Variants in EPB41L4B observed in about 807,000 individuals in gnomAD.
EPB41L4B encodes band 4.1-like protein 4B.
EPB41L4B carries 30 observed loss-of-function variants against 112.5 expected under a neutral mutation model. That is an observed-to-expected ratio of 0.27 (90% confidence interval 0.20 to 0.36). The LOEUF (loss-of-function observed/expected upper bound fraction) is 0.36. Ranked by LOEUF, EPB41L4B falls within the 10% of genes least tolerant of loss-of-function variation. The pLI, the probability that EPB41L4B is intolerant of heterozygous loss-of-function variation, is 1.00. For synonymous variants in EPB41L4B, 408 were observed against 439.7 expected, an observed-to-expected ratio of 0.93 and a Z score of 0.90; for missense variants, 1,024 against 1,133.3, an observed-to-expected ratio of 0.90 and a Z score of 1.38.
At chr9:109,203,511 TA>T in intron 19 of EPB41L4B, 151 bp downstream of exon 19, 1 of 629,108 alleles carries the variant, frequency 1.6e-6, no homozygotes, top group East Asian at 2.9e-5. Context: ...GAAAGTTAGT[TA>T]AGCCAGTCTT....
chr9:109,221,783 A>T (rs1173439456), intron 15 of EPB41L4B, among the ~76,000 whole-genome samples: 2 of 152,182 alleles, frequency 1.3e-5, no homozygotes, highest in Non-Finnish European at 2.9e-5. Context: ...AAAGGGAAAG[A>T]TGTCTTGTAG....
intron 1 of EPB41L4B, among the ~76,000 whole-genome samples, chr9:109,317,472 T>C (rs990116493): frequency 1.3e-5 from 2 of 152,212 alleles, no homozygotes; most frequent in African/African-American, 2.4e-5. Context: ...GCTTGGCACA[T>C]TGGAGACGCC....
intron 1 of EPB41L4B, among the ~76,000 whole-genome samples, chr9:109,304,866 G>A (rs938809641): frequency 1.3e-5 from 2 of 152,120 alleles, no homozygotes; most frequent in Admixed American, 6.5e-5. Flanking sequence ...ACAGATTAGC[G>A]GCTGTCGGGG....
At chr9:109,200,383 G>A (rs770437169) in intron 19 of EPB41L4B, 49 bp from the exon 20 acceptor site, 4 of 1,483,022 alleles carry the variant, frequency 2.7e-6, no homozygotes, top group Non-Finnish European at 3.8e-6. Context: ...AAGGTTTATG[G>A]TCTCGTTTTA....
At chr9:109,231,448 A>G (rs1465712887) in intron 15 of EPB41L4B, among the ~76,000 whole-genome samples, 2 of 152,254 alleles carry the variant, frequency 1.3e-5, no homozygotes, top group African/African-American at 4.8e-5. Flanking sequence ...GTTTTAGTGC[A>G]TTTAAATTTT....
chr9:109,203,562 C>T, intron 19 of EPB41L4B, 101 bp downstream of exon 19: 1 of 967,388 alleles, frequency 1.0e-6, no homozygotes, highest in Non-Finnish European at 1.6e-6. Flanking sequence ...TTTTATTTGT[C>T]CTCTGATTTT....
At chr9:109,174,670 T>G in intron 25 of EPB41L4B, 47 bp from the exon 26 acceptor site, 1 of 1,557,192 alleles carries the variant, frequency 6.4e-7, no homozygotes, top group South Asian at 1.1e-5. Flanking sequence ...CCTCAAAAAT[T>G]GCAGAAGCAG....
At chr9:109,192,500 G>A (rs555218300) in intron 21 of EPB41L4B, 145 bp from the exon 22 acceptor site, 12 of 531,738 alleles carry the variant, frequency 2.3e-5, no homozygotes, top group African/African-American at 3.9e-5. Context: ...CCCTCACCAA[G>A]TAGTGTACAA....
At chr9:109,261,006 G>T (rs181229203) in intron 6 of EPB41L4B, among the ~76,000 whole-genome samples, 154 of 152,282 alleles carry the variant, frequency 1.0e-3, no homozygotes, top group Non-Finnish European at 1.7e-3. Flanking sequence ...CGTCTCTTTT[G>T]TCTCATTCGT....
intron 22 of EPB41L4B, among the ~76,000 whole-genome samples, chr9:109,191,471 G>C (rs1176699415): frequency 6.6e-6 from 1 of 152,106 alleles, no homozygotes; most frequent in African/African-American, 2.4e-5. Flanking sequence ...CTTGGGGAGA[G>C]AGAATGAGCT....
intron 1 of EPB41L4B, among the ~76,000 whole-genome samples, chr9:109,308,097 C>G (rs1350180347): frequency 6.6e-6 from 1 of 152,108 alleles, no homozygotes; most frequent in Non-Finnish European, 1.5e-5. Flanking sequence ...CGGCCCAATT[C>G]CCTTCTCATT....
chr9:109,174,429 A>G lies in EPB41L4B; in HGVS notation c.*125T>C, dbSNP rs537687686. 8 of 908,084 alleles carry G rather than the reference A, an allele frequency of 8.8e-6. No individual in the cohort carries two copies. In the East Asian group the frequency reaches 1.3e-4, roughly 14 times the overall value. The allele number at this position is 908,084 out of a possible 1,614,324, so 56.3% of individuals were successfully genotyped here. Reference sequence around the variant, plus strand: ...GTCAAGCCAGAAATTGGCTTCAACTAACCATGGAGACCTGGGCGAACAGAG... The same window carrying G: ...GTCAAGCCAGAAATTGGCTTCAACTGACCATGGAGACCTGGGCGAACAGAG... On this transcript the variant is annotated 3_prime_UTR_variant, in exon 26 of 26. Transcript: ENST00000374566.
intron 5 of EPB41L4B, among the ~76,000 whole-genome samples, chr9:109,264,074 A>G (rs772214947): frequency 1.1e-4 from 17 of 152,202 alleles, no homozygotes; most frequent in Non-Finnish European, 2.2e-4. Context: ...AGGATTAAAA[A>G]AAAGTACACA....
At chr9:109,188,283 A>C (rs909470808) in intron 22 of EPB41L4B, among the ~76,000 whole-genome samples, 5 of 152,240 alleles carry the variant, frequency 3.3e-5, no homozygotes, top group African/African-American at 1.2e-4. Context: ...GGCCCTGTGC[A>C]ACTTTCTCCA....
rs34926347 is a variant in EPB41L4B, at chr9:109,226,755, A to AAT, written c.1410-9612_1410-9611dup. Among the ~76,000 whole-genome samples, 29 of 137,512 alleles carry AAT rather than the reference A, an allele frequency of 2.1e-4. No homozygotes were observed. The Middle Eastern group carries it at 0.011, about 52-fold the overall frequency. The allele number at this position is 137,512 out of a possible 152,430, so 90.2% of individuals were successfully genotyped here. A position where few individuals can be genotyped will look rare whatever the true frequency, so the allele number is the denominator to read the frequency against. ...ATATATGAAGAATATATATATGAAG[A>AAT]ATATATATATATGAATATATATATG... On this transcript the variant is annotated intron_variant, in intron 15 of 25. Coordinates refer to ENST00000374566, the MANE Select transcript of EPB41L4B (RefSeq NM_019114.5).
chr9:109,212,781 C>T (rs1833228409), intron 17 of EPB41L4B, among the ~76,000 whole-genome samples: 2 of 152,110 alleles, frequency 1.3e-5, no homozygotes, highest in South Asian at 2.1e-4. Flanking sequence ...GAGATTTTGC[C>T]CTTCTGAGAA....
intron 1 of EPB41L4B, among the ~76,000 whole-genome samples, chr9:109,286,489 G>A (rs895532524): frequency 5.9e-5 from 9 of 152,154 alleles, no homozygotes; most frequent in East Asian, 1.9e-4. Flanking sequence ...GCCATTATGC[G>A]ACGCGTTGTC....
chr9:109,227,619 G>C (rs989847206), intron 15 of EPB41L4B, among the ~76,000 whole-genome samples: 1 of 150,642 alleles, frequency 6.6e-6, no homozygotes, highest in African/African-American at 2.5e-5. Flanking sequence ...GTCTTGCTCT[G>C]TCATCAGGCT....
intron 1 of EPB41L4B, among the ~76,000 whole-genome samples, chr9:109,313,993 G>A (rs919322234): frequency 8.5e-5 from 13 of 152,166 alleles, no homozygotes; most frequent in South Asian, 6.2e-4. Flanking sequence ...ATGGGTCTTC[G>A]ATGAATGCAT....
Sources: gnomAD v4.1 joint callset for allele counts (sites outside exome capture counted in the v4.1 genomes callset) on GRCh38, gnomAD v4.1.1 for gene constraint, MANE v1.5 for transcripts, NCBI Gene and HGNC (gene_info 2026-07-23, HGNC 2026-07-21) for gene names.